The following AGMO variants were observed in gnomAD, a reference collection of about 807,000 sequenced individuals.
AGMO encodes the protein glyceryl-ether monooxygenase.
A neutral mutation model predicts 60.2 loss-of-function variants in AGMO; 75 were observed. That is an observed-to-expected ratio of 1.25 (90% CI 1.03 to 1.51). The LOEUF is 1.51. Ranked by LOEUF, AGMO falls within the 40% of genes most tolerant of loss-of-function variation. AGMO has a pLI of 0.00. For missense variants in AGMO, 763 were observed against 525.5 expected (o/e 1.45, Z -4.42); for synonymous variants, 261 against 177.1 (o/e 1.47, Z -3.76).
At chr7:15,354,131 G>T (rs1467776571) in intron 12 of AGMO, among the ~76,000 whole-genome samples, 1 of 151,606 alleles carries the variant, frequency 6.6e-6, no homozygotes, top group African/African-American at 2.4e-5. Context: ...AATACAGGAA[G>T]AGGACAATGT....
intron 12 of AGMO, among the ~76,000 whole-genome samples, chr7:15,349,884 C>T (rs1441359041): frequency 6.6e-6 from 1 of 152,106 alleles, no homozygotes; most frequent in Non-Finnish European, 1.5e-5. Flanking sequence ...GATTGAATTA[C>T]CTCTTACTGG....
At chr7:15,212,247 TACACAC>T (rs57236152) in intron 12 of AGMO, among the ~76,000 whole-genome samples, 6,327 of 146,324 alleles carry the variant, frequency 0.043, 371 homozygotes, top group African/African-American at 0.13. Flanking sequence ...AGGTGTGGAG[TACACAC>T]ACACACACAC....
intron 5 of AGMO, among the ~76,000 whole-genome samples, chr7:15,403,291 G>T (rs1784603615): frequency 6.6e-6 from 1 of 151,790 alleles, no homozygotes. Context: ...ACTCTCATTG[G>T]TTATTACTGA....
intron 12 of AGMO, among the ~76,000 whole-genome samples, chr7:15,232,795 A>ACG (rs1782295740): frequency 9.0e-6 from 1 of 111,296 alleles, no homozygotes; most frequent in African/African-American, 5.0e-5. Flanking sequence ...GAAACCACAC[A>ACG]CACACGCACA....
intron 3 of AGMO, among the ~76,000 whole-genome samples, chr7:15,503,399 G>A (rs553836490): frequency 1.3e-5 from 2 of 151,974 alleles, no homozygotes; most frequent in South Asian, 4.1e-4. Flanking sequence ...CACAGAGCAG[G>A]GATTTGAGAA....
chr7:15,277,311 T>TAATA (rs35947599), intron 12 of AGMO, among the ~76,000 whole-genome samples: 6,668 of 144,922 alleles, frequency 0.046, 171 homozygotes, highest in East Asian at 0.076. Flanking sequence ...TCTCAAAAAA[T>TAATA]AATAAATAAA....
At chr7:15,221,345 T>C (rs1403762960) in intron 12 of AGMO, among the ~76,000 whole-genome samples, 1 of 152,122 alleles carries the variant, frequency 6.6e-6, no homozygotes, top group African/African-American at 2.4e-5. Flanking sequence ...ATAATGCTGA[T>C]AGCTAGAAAG....
rs146276089 is a variant in AGMO, at chr7:15,320,762, C to G, written c.1263+44752G>C. Among the ~76,000 whole-genome samples, 738 of 152,180 alleles carry G rather than the reference C, an allele frequency of 4.8e-3. 5 individuals carry two copies. The highest frequency in any genetic ancestry group is 0.017 in the African/African-American group (689 of 41,536). On this transcript the variant is annotated intron_variant, in intron 12 of 12. Coordinates refer to ENST00000342526, the MANE Select transcript of AGMO (RefSeq NM_001004320.2). ...TAATAAATGGATGCATACAAACAAA[C>G]TTGAAAGTATCTACAAATTAGGGAA...
At chr7:15,372,008 G>T (rs1359104893) in intron 10 of AGMO, among the ~76,000 whole-genome samples, 1 of 151,952 alleles carries the variant, frequency 6.6e-6, no homozygotes, top group Non-Finnish European at 1.5e-5. Context: ...CCAAAAATGA[G>T]TTTAAAAGAA....
In AGMO at chr7:15,414,940, G is replaced by C. The variant is rs1221345916; in HGVS notation, c.609+3618C>G. Among the ~76,000 whole-genome samples, 3 of 152,008 alleles carry C rather than the reference G, an allele frequency of 2.0e-5. No individual in the cohort carries two copies. The South Asian group carries it at 6.2e-4, about 32-fold the overall frequency. ...TGGGGCTATAGTGGTTATGTACAAA[G>C]AAATCTGGCATCTTGATTCTACCTC... On this transcript the variant is annotated intron_variant, in intron 5 of 12. Coordinates refer to ENST00000342526, the MANE Select transcript of AGMO (RefSeq NM_001004320.2).
At chr7:15,359,559 G>C (rs2128558547) in intron 12 of AGMO, among the ~76,000 whole-genome samples, 1 of 152,208 alleles carries the variant, frequency 6.6e-6, no homozygotes, top group South Asian at 2.1e-4. Flanking sequence ...TTTGCAAGCA[G>C]TTCTTAAATA....
chr7:15,286,161 T>C (rs1456333261), intron 12 of AGMO, among the ~76,000 whole-genome samples: 1 of 151,794 alleles, frequency 6.6e-6, no homozygotes, highest in Admixed American at 6.6e-5. Flanking sequence ...TGGACATTGG[T>C]CTAGGAAAAT....
At chr7:15,171,014 C>T in the AGMO span, among the ~76,000 whole-genome samples, 1 of 151,966 alleles carries the variant, frequency 6.6e-6, no homozygotes, top group African/African-American at 2.4e-5. Context: ...CTCGCTCTGT[C>T]ACACAGGCTG....
chr7:15,259,174 G>T (rs961789045), intron 12 of AGMO, among the ~76,000 whole-genome samples: 3 of 151,680 alleles, frequency 2.0e-5, no homozygotes, highest in Non-Finnish European at 4.4e-5. Flanking sequence ...GAATATGAAA[G>T]AAAAATTCTT....
At chr7:15,463,101 G>T (rs1422088809) in intron 3 of AGMO, among the ~76,000 whole-genome samples, 1 of 152,100 alleles carries the variant, frequency 6.6e-6, no homozygotes, top group Non-Finnish European at 1.5e-5. Flanking sequence ...CCTTTCTTCT[G>T]AATTACTGAG....
chr7:15,388,342 T>C (rs990133390), intron 8 of AGMO, among the ~76,000 whole-genome samples: 7 of 152,012 alleles, frequency 4.6e-5, no homozygotes, highest in East Asian at 1.9e-4. Context: ...ATTAAAAAAA[T>C]TGCAACCTCA....
chr7:15,530,837 T>C (rs1301879333), intron 3 of AGMO, among the ~76,000 whole-genome samples: 1 of 8,310 alleles, frequency 1.2e-4, no homozygotes, highest in Non-Finnish European at 3.2e-4. Flanking sequence ...ATATATTCTA[T>C]ATATATATAT....
intron 10 of AGMO, among the ~76,000 whole-genome samples, chr7:15,375,439 A>C (rs1783412591): frequency 8.1e-6 from 1 of 123,474 alleles, no homozygotes; most frequent in Non-Finnish European, 1.6e-5. Context: ...TCTGTTGCCT[A>C]GGCTGGAGTG....
intron 6 of AGMO, among the ~76,000 whole-genome samples, chr7:15,393,886 C>T (rs1029101000): frequency 6.6e-6 from 1 of 152,010 alleles, no homozygotes; most frequent in African/African-American, 2.4e-5. Context: ...AAAGAAAAAT[C>T]CAAAAGTCAG....
Sources: gnomAD v4.1 joint callset for allele counts (sites outside exome capture counted in the v4.1 genomes callset) on GRCh38, gnomAD v4.1.1 for gene constraint, MANE v1.5 for transcripts, NCBI Gene and HGNC (gene_info 2026-07-23, HGNC 2026-07-21) for gene names.